The following COL8A1 variants were observed in gnomAD, a reference collection of about 807,000 sequenced individuals.
COL8A1 encodes collagen alpha-1(VIII) chain.
Under a neutral mutation model 42.7 loss-of-function variants are expected in COL8A1, and 21 were observed. That is an observed-to-expected ratio of 0.49 (90% CI 0.35 to 0.71). The LOEUF is 0.71. COL8A1 is among the 30% of genes least tolerant of loss of function. COL8A1 has a pLI of 0.01. For missense variants in COL8A1, 788 were observed against 962.4 expected (o/e 0.82, Z 2.40); for synonymous variants, 367 against 369.1 (o/e 0.99, Z 0.06).
intron 1 of COL8A1, among the ~76,000 whole-genome samples, chr3:99,663,893 A>G (rs1261558385): frequency 6.6e-6 from 1 of 152,320 alleles, no homozygotes; most frequent in African/African-American, 2.4e-5. Context: ...TATGAGTTCT[A>G]TCAAATTATG....
Position 99,638,635 on chromosome 3 carries a change from A to G in COL8A1, c.-158A>G, listed in dbSNP as rs180841675. 1 of 152,288 alleles carries G rather than the reference A, an allele frequency of 6.6e-6. No homozygotes were observed. The highest frequency in any genetic ancestry group is 1.5e-5 in the Non-Finnish European group (1 of 68,216). The allele number at this position is 152,288 out of a possible 1,614,324, so 9.4% of individuals were successfully genotyped here. On this transcript the variant is annotated 5_prime_UTR_variant, in exon 1 of 4. Transcript: ENST00000652472. The stretch of plus-strand genomic sequence containing the variant: ...CCGATCCTCTCCGTGGGAGCCAGCG[A>G]GCCTCTCTCCCTGATCTTACGTGCT...
chr3:99,682,103 T>C (rs138782267), intron 1 of COL8A1, among the ~76,000 whole-genome samples: 15 of 152,262 alleles, frequency 9.9e-5, no homozygotes, highest in Admixed American at 2.0e-4. Context: ...GTTCTCCATC[T>C]CTACCAACTG....
At chr3:99,732,636 A>G (rs1411426034) in intron 1 of COL8A1, among the ~76,000 whole-genome samples, 1 of 152,040 alleles carries the variant, frequency 6.6e-6, no homozygotes, top group Non-Finnish European at 1.5e-5. Flanking sequence ...ATAATTCAAG[A>G]TGAGATTTGG....
rs139038854 is a variant in COL8A1, at chr3:99,787,211, T to C, written c.-3-3469T>C. On this transcript the variant is annotated intron_variant, in intron 2 of 3. Transcript: ENST00000652472. The stretch of plus-strand genomic sequence containing the variant: ...TCTATCACATTATTCTGTTAATATA[T>C]GTATCACATTACTCTGTTATGTACA... Among the ~76,000 whole-genome samples, 1,151 of 152,302 alleles carry C rather than the reference T, an allele frequency of 7.6e-3. 20 individuals carry two copies. Among genetic ancestry groups the C allele is most frequent in the African/African-American group, 0.026 (1,064 of 41,566 alleles).
At chr3:99,654,810 G>C (rs1937961631) in intron 1 of COL8A1, among the ~76,000 whole-genome samples, 1 of 151,796 alleles carries the variant, frequency 6.6e-6, no homozygotes, top group Non-Finnish European at 1.5e-5. Flanking sequence ...CACAATGTGA[G>C]AATAAAGGAA....
chr3:99,655,449 C>G (rs1049058170), intron 1 of COL8A1, among the ~76,000 whole-genome samples: 4 of 152,142 alleles, frequency 2.6e-5, no homozygotes, highest in Non-Finnish European at 4.4e-5. Context: ...ACAATGAAAA[C>G]TGGTGGTCCC....
intron 1 of COL8A1, chr3:99,678,780 A>G (rs1352263451): frequency 6.6e-6 from 1 of 152,150 alleles, no homozygotes; most frequent in African/African-American, 2.4e-5. Flanking sequence ...AGTCAATGGG[A>G]AAGATAGTAG....
At chr3:99,751,449 T>G (rs1397873294) in intron 2 of COL8A1, among the ~76,000 whole-genome samples, 1 of 152,012 alleles carries the variant, frequency 6.6e-6, no homozygotes, top group East Asian at 1.9e-4. Flanking sequence ...TCCCAGCTAC[T>G]TGGGAGGCTG....
At chr3:99,670,557 T>A (rs933457130) in intron 1 of COL8A1, among the ~76,000 whole-genome samples, 24 of 152,122 alleles carry the variant, frequency 1.6e-4, no homozygotes, top group Non-Finnish European at 1.5e-5. Context: ...GTATACAGTG[T>A]GGAATGATTA....
intron 1 of COL8A1, among the ~76,000 whole-genome samples, chr3:99,688,130 T>C (rs946988706): frequency 1.6e-4 from 24 of 152,232 alleles, no homozygotes; most frequent in Admixed American, 1.2e-3. Context: ...CTATTTATGT[T>C]ATATGTGGAA....
At chr3:99,788,607 A>G (rs1373021390) in intron 2 of COL8A1, among the ~76,000 whole-genome samples, 1 of 152,242 alleles carries the variant, frequency 6.6e-6, no homozygotes, top group Non-Finnish European at 1.5e-5. Flanking sequence ...ACTGTCTTAC[A>G]GACATTGAAT....
intron 2 of COL8A1, among the ~76,000 whole-genome samples, chr3:99,777,591 C>G: frequency 6.6e-6 from 1 of 152,112 alleles, no homozygotes; most frequent in East Asian, 1.9e-4. Context: ...AGCTGGGTCT[C>G]TTTATAGTGT....
intron 1 of COL8A1, among the ~76,000 whole-genome samples, chr3:99,688,370 G>A (rs1222020342): frequency 6.6e-6 from 1 of 152,154 alleles, no homozygotes; most frequent in Non-Finnish European, 1.5e-5. Context: ...AGCTTCTGAA[G>A]CTGCCTGCAT....
At chr3:99,764,881 C>T (rs2107430334) in intron 2 of COL8A1, among the ~76,000 whole-genome samples, 1 of 151,846 alleles carries the variant, frequency 6.6e-6, no homozygotes, top group Non-Finnish European at 1.5e-5. Flanking sequence ...CAGTGTCTGG[C>T]CAATAGTAAG....
chr3:99,711,436 C>A (rs529512820), intron 1 of COL8A1, among the ~76,000 whole-genome samples: 2 of 152,130 alleles, frequency 1.3e-5, no homozygotes, highest in Admixed American at 6.5e-5. Flanking sequence ...TCTCAAAACC[C>A]ATTCTCGCCT....
rs567319714 is a variant in COL8A1 at position 99,654,729 on chromosome 3, A to G, written c.-129+16065A>G. Among the ~76,000 whole-genome samples the G allele has an allele frequency of 6.6e-5, 10 of 152,140 alleles. No individual in the cohort carries two copies. The South Asian group carries it at 1.0e-3, about 16-fold the overall frequency. On this transcript the variant is annotated intron_variant, in intron 1 of 3. Transcript: ENST00000652472. Reference sequence around the variant, plus strand: ...CTTTAGCCCGGGAGGTGGAGGCTGCAGTGAGCTGTAATTGTGCCACTACAC... The same window carrying G: ...CTTTAGCCCGGGAGGTGGAGGCTGCGGTGAGCTGTAATTGTGCCACTACAC...
At chr3:99,652,419 T>A (rs1001553753) in intron 1 of COL8A1, among the ~76,000 whole-genome samples, 1 of 152,218 alleles carries the variant, frequency 6.6e-6, no homozygotes, top group Non-Finnish European at 1.5e-5. Flanking sequence ...AATTTACACA[T>A]AAGGCAGTAG....
intron 1 of COL8A1, among the ~76,000 whole-genome samples, chr3:99,671,053 A>G (rs756635653): frequency 2.0e-5 from 3 of 151,824 alleles, no homozygotes; most frequent in Non-Finnish European, 4.4e-5. Context: ...CTTTCTGCAA[A>G]TTCTCTATAA....
At chr3:99,777,404 T>C (rs1009471088) in intron 2 of COL8A1, among the ~76,000 whole-genome samples, 1 of 152,126 alleles carries the variant, frequency 6.6e-6, no homozygotes, top group Non-Finnish European at 1.5e-5. Flanking sequence ...GAATAAAATA[T>C]AAAAGATGGG....
Sources: allele counts gnomAD v4.1 joint callset (sites outside exome capture counted in the v4.1 genomes callset), GRCh38; gene constraint gnomAD v4.1.1; transcripts MANE v1.5; gene names NCBI Gene and HGNC (gene_info 2026-07-23, HGNC 2026-07-21).